The following PLEC variants were observed in gnomAD, a reference collection of about 807,000 sequenced individuals.
PLEC encodes the protein plectin.
Under a neutral mutation model 392.8 loss-of-function variants are expected in PLEC, and 216 were observed. The observed-to-expected ratio is 0.55, with a 90% confidence interval of 0.49 to 0.62. The LOEUF is 0.62. Ranked by LOEUF, PLEC falls within the 20% of genes least tolerant of loss-of-function variation. The probability of loss-of-function intolerance (pLI) is 0.00; values close to 1 mark genes in which losing one functional copy is unlikely to be tolerated. For synonymous variants in PLEC, 3,621 were observed against 2,980.6 expected (o/e 1.21, Z -7.00); for missense variants, 6,863 against 6,563.4 (o/e 1.05, Z -1.58).
At chr8:143,976,511 C>T (rs893169089), upstream of PLEC, among the ~76,000 whole-genome samples, 60 of 152,252 alleles carry the variant, frequency 3.9e-4, no homozygotes, top group Admixed American at 9.8e-4. Context: ...CCTGCCCACA[C>T]CCCGGGCACC....
chr8:143,957,407 T>A (rs1832653181), upstream of PLEC, among the ~76,000 whole-genome samples: 1 of 152,174 alleles, frequency 6.6e-6, no homozygotes, highest in Admixed American at 6.5e-5. Context: ...AACCCCTACC[T>A]CTAGCTTCTG....
chr8:143,929,248 C>T lies in PLEC; in HGVS notation c.3115G>A (p.Gly1039Arg), dbSNP rs1554710525. The change falls in exon 25 of 32, where the codon GGG (glycine) becomes AGG (arginine). Residue 1039 changes from glycine (G) to arginine (R), a missense_variant. Coordinates refer to ENST00000345136, the MANE Select transcript of PLEC (RefSeq NM_201384.3). ...AQAEVEGLGK[G>R]VARLSAEAEK... ...GCCTCGGCAGAGAGCCGGGCGACCC[C>T]CTTGCCCAGCCCCTCCACCTCTGCC... 1 of 1,601,946 alleles carries T rather than the reference C, an allele frequency of 6.2e-7. No individual in the cohort carries two copies. The highest frequency in any genetic ancestry group is 8.5e-7 in the Non-Finnish European group (1 of 1,179,502).
At position 143,919,867 on chromosome 8, in the gene PLEC, C is replaced by T; in HGVS notation, c.9954G>A (p.Leu3318=). 6.2e-7 allele frequency: 1 copy of T among 1,613,184 alleles called. No individual in the cohort carries two copies. The highest frequency in any genetic ancestry group is 1.3e-5 in the African/African-American group (1 of 75,072). The change falls in exon 32 of 32, where the codon CTG becomes CTA. Residue 3318 remains leucine (L), a synonymous_variant. Coordinates refer to ENST00000345136, the MANE Select transcript of PLEC (RefSeq NM_201384.3). ...LRAPVPASEL[L]ASGVLSRAQF... ...GGGCTCTGCTGAGGACCCCGGAAGC[C>T]AGGAGCTCGCTGGCTGGCACAGGGG... is the stretch of plus-strand genomic sequence containing the variant.
At position 143,939,505 on chromosome 8, in the gene PLEC, C is replaced by T. The variant is rs782082608; in HGVS notation, c.-44G>A. Reference sequence around the variant, plus strand: ...TCGCCCGGACCCTCGGCCTCAGGCACGGTGCTCTGGGCAGCCCCGTGTGGC... The same window carrying T: ...TCGCCCGGACCCTCGGCCTCAGGCATGGTGCTCTGGGCAGCCCCGTGTGGC... On this transcript the variant is annotated 5_prime_UTR_variant, in exon 1 of 32. In the 5' UTR this introduces an upstream ATG that the reference lacks. Coordinates refer to ENST00000345136, the MANE Select transcript of PLEC (RefSeq NM_201384.3). The T allele has an allele frequency of 3.2e-6, 5 of 1,580,812 alleles. No homozygotes were observed. The highest frequency in any genetic ancestry group is 4.3e-6 in the Non-Finnish European group (5 of 1,164,520).
chr8:143,922,475 C>T (rs1823174865), intron 31 of PLEC, 29 bp downstream of exon 31: 2 of 1,603,280 alleles, frequency 1.2e-6, no homozygotes, highest in Non-Finnish European at 1.7e-6. Flanking sequence ...CCGGGCCCAC[C>T]CGCCCGTCGC....
intron 18 of PLEC, 97 bp downstream of exon 18, chr8:143,931,840 C>T: frequency 7.0e-7 from 1 of 1,421,990 alleles, no homozygotes; most frequent in Non-Finnish European, 9.7e-7. Context: ...GCAACGTCTG[C>T]AGACAGGAGG....
chr8:143,919,473 C>A lies in PLEC; in HGVS notation c.10348G>T (p.Ala3450Ser). 1 of 1,613,288 alleles carries A rather than the reference C, an allele frequency of 6.2e-7. No individual in the cohort carries two copies. The highest frequency in any genetic ancestry group is 8.5e-7 in the Non-Finnish European group (1 of 1,179,886). Residue 3450 changes from alanine (A) to serine (S), a missense_variant, in exon 32 of 32, where the codon GCC (alanine) becomes TCC (serine). Coordinates refer to ENST00000345136, the MANE Select transcript of PLEC (RefSeq NM_201384.3). ...CGGAGAACCAGGCCCTTCTGCATGG[C>A]CTGGAAGAGGGAGATGGTGCTGCCC... ...YSGSTISLFQ[A>S]MQKGLVLRQH...
In PLEC at chr8:143,919,087, G is replaced by A. The variant is rs1554677101; in HGVS notation, c.10734C>T (p.Gly3578=). 1.5e-5 allele frequency: 24 copies of A among 1,611,680 alleles called. No individual in the cohort carries two copies. The highest frequency in any genetic ancestry group is 2.0e-5 in the Non-Finnish European group (24 of 1,180,010). The change falls in exon 32 of 32, where the codon GGC becomes GGT. Residue 3578 remains glycine, a synonymous_variant. Coordinates refer to ENST00000345136, the MANE Select transcript of PLEC (RefSeq NM_201384.3). ...EETQIDIPGG[G]SHGGSTMSLW... ...GGGACATGGTGGAGCCGCCGTGGCT[G>A]CCGCCGCCGGGAATGTCGATCTGTG... is the stretch of plus-strand genomic sequence containing the variant.
upstream of PLEC, among the ~76,000 whole-genome samples, chr8:143,974,203 C>G: frequency 6.6e-6 from 1 of 152,196 alleles, no homozygotes; most frequent in East Asian, 1.9e-4. The surrounding 1 kb of genome is among the most constrained non-coding windows in gnomAD (Gnocchi z 5.9). Flanking sequence ...GACGCAGAGC[C>G]CCGGCGCGGA....
exon 1 of PLEC, chr8:143,950,305 C>T (rs533289488): frequency 9.5e-6 from 15 of 1,571,154 alleles, no homozygotes; most frequent in African/African-American, 2.7e-5. Context: ...GCTGCTCCTC[C>T]GTCGGCAGCG....
In PLEC at chr8:143,925,616, C is replaced by A; in HGVS notation, c.4313G>T (p.Arg1438Leu). The A allele has an allele frequency of 6.3e-7, 1 of 1,582,454 alleles. No individual in the cohort carries two copies. Among genetic ancestry groups the A allele is most frequent in the Non-Finnish European group, 8.5e-7 (1 of 1,171,812 alleles). ...SSEAEIQAKA[R>L]QAEAAERSRL... ...GCTGCGCTCAGCCGCCTCTGCCTGCCGGGCCTTGGCCTGGATCTCCGCCTC... is the reference window on the plus strand; with the variant it reads ...GCTGCGCTCAGCCGCCTCTGCCTGCAGGGCCTTGGCCTGGATCTCCGCCTC... Residue 1438 changes from arginine to leucine, a missense_variant, in exon 31 of 32, where the codon CGG becomes CTG. Arg to Leu is a moderately radical substitution (Grantham distance 102). Coordinates refer to ENST00000345136, the MANE Select transcript of PLEC (RefSeq NM_201384.3).
intron 10 of PLEC, 42 bp downstream of exon 10, chr8:143,934,593 G>A: frequency 6.2e-7 from 1 of 1,602,738 alleles, no homozygotes; most frequent in Non-Finnish European, 8.5e-7. Flanking sequence ...CAGGCCTGGG[G>A]CGTTCCAGGA....
intron 3 of PLEC, 123 bp from the exon 4 acceptor site, chr8:143,937,365 TC>T: frequency 1.4e-6 from 1 of 737,516 alleles, no homozygotes; most frequent in Non-Finnish European, 2.4e-6. Context: ...CAGCCCCTCA[TC>T]CCAGGTTCAC....
intron 30 of PLEC, 81 bp from the exon 31 acceptor site, chr8:143,925,965 G>T: frequency 7.0e-7 from 1 of 1,421,072 alleles, no homozygotes; most frequent in Non-Finnish European, 9.6e-7. Context: ...CACCGGCACA[G>T]TTCACTCAGA....
rs1798784983 is a variant in PLEC, at chr8:143,918,327, C to T, written c.11494G>A (p.Asp3832Asn). 6.3e-7 allele frequency: 1 copy of T among 1,587,702 alleles called. No individual in the cohort carries two copies. Among genetic ancestry groups the T allele is most frequent in the Admixed American group, 1.7e-5 (1 of 58,150 alleles). The change falls in exon 32 of 32, where the codon GAC becomes AAC. Residue 3832 changes from aspartate (D) to asparagine (N), a missense_variant. Coordinates refer to ENST00000345136, the MANE Select transcript of PLEC (RefSeq NM_201384.3). The part of the protein sequence containing the change: ...VAYQRGYLNK[D>N]THDQLSEPSE... ...GGCTCTGACAGCTGGTCGTGCGTGT[C>T]CTTGTTGAGGTAGCCACGCTGGTAA...
In PLEC at chr8:143,932,789, C is replaced by T. The variant is rs1161141817; in HGVS notation, c.1737+4G>A. The T allele has an allele frequency of 1.9e-6, 3 of 1,612,046 alleles. No homozygotes were observed. Among genetic ancestry groups the T allele is most frequent in the East Asian group, 4.5e-5 (2 of 44,830 alleles). On this transcript the variant is annotated splice_donor_region_variant and intron_variant, in intron 14 of 31. Transcript: ENST00000345136. ...CGCACTGCCCATCGCTCAGCGCCAC[C>T]CACCTCGTCACTCCGTGCCCGCTCG... is the stretch of plus-strand genomic sequence containing the variant.
chr8:143,925,947 G>C, intron 30 of PLEC, 63 bp from the exon 31 acceptor site: 3 of 1,483,442 alleles, frequency 2.0e-6, no homozygotes, highest in South Asian at 2.4e-5. Context: ...AGGCGCTGAC[G>C]GGGCACGCAC....
In PLEC at chr8:143,933,058, C is replaced by T. The variant is rs781938961; in HGVS notation, c.1472G>A (p.Arg491Gln). 48 of 1,592,122 alleles carry T rather than the reference C, an allele frequency of 3.0e-5. No individual in the cohort carries two copies. Among genetic ancestry groups the T allele is most frequent in the Middle Eastern group, 1.8e-4 (1 of 5,612 alleles). The change falls in exon 14 of 32, where the codon CGG becomes CAG. Residue 491 changes from arginine to glutamine, a missense_variant. Physicochemically the swap from Arg to Gln is conservative, Grantham distance 43. Coordinates refer to ENST00000345136, the MANE Select transcript of PLEC (RefSeq NM_201384.3). ...AGGGGCCGCCACGCCTGCCTTCAGC[C>T]GTAGGTTGTACTCGGTGCGGATGGC... The part of the protein sequence containing the change: ...LVAIRTEYNL[R>Q]LKAGVAAPAT...
Position 143,927,900 on chromosome 8 carries a change from A to G in PLEC, c.3353T>C (p.Val1118Ala). The change falls in exon 26 of 32, where the codon GTG becomes GCG. Residue 1118 changes from valine (V) to alanine (A), a missense_variant. By Grantham distance (64) the Val-to-Ala change is moderately conservative (BLOSUM62 0). Coordinates refer to ENST00000345136, the MANE Select transcript of PLEC (RefSeq NM_201384.3). The stretch of plus-strand genomic sequence containing the variant: ...CTCGAGCTCCGGGAGGGTGGCCGGC[A>G]CGGCCTGGGCCTCCTTGAGCTGCTC... ...HEEQLKEAQAVPATLPELEAT... is the reference protein window; with the variant it reads ...HEEQLKEAQAAPATLPELEAT... 6.3e-7 allele frequency: 1 copy of G among 1,595,842 alleles called. No individual in the cohort carries two copies. The highest frequency in any genetic ancestry group is 8.5e-7 in the Non-Finnish European group (1 of 1,172,178).
Sources: gnomAD v4.1 joint callset for allele counts (sites outside exome capture counted in the v4.1 genomes callset) on GRCh38, gnomAD v4.1.1 for gene constraint, Gnocchi (gnomAD v3.1) non-coding constraint, MANE v1.5 for transcripts, NCBI Gene and HGNC (gene_info 2026-07-23, HGNC 2026-07-21) for gene names.